EYS: variants seen among roughly 807,000 people sequenced by gnomAD.
EYS encodes protein eyes shut homolog.
In EYS, 250 loss-of-function variants were observed where a neutral mutation model predicts 282.1. That is an observed-to-expected ratio of 0.89 (90% confidence interval 0.80 to 0.98). The LOEUF (loss-of-function observed/expected upper bound fraction) is 0.98. Ranked by LOEUF, EYS falls within the 50% of genes least tolerant of loss-of-function variation. The pLI is 0.00. For synonymous variants in EYS, 1,355 were observed against 1,282.9 expected (o/e 1.06, Z -1.20); for missense variants, 4,016 against 3,709.0 (o/e 1.08, Z -2.15).
chr6:63,807,879 CAG>C (rs1770945790), intron 36 of EYS, among the ~76,000 whole-genome samples: 1 of 152,008 alleles, frequency 6.6e-6, no homozygotes, highest in Non-Finnish European at 1.5e-5. Context: ...GGAGTTGAAA[CAG>C]AATAAAAATA....
chr6:64,727,806 A>G (rs1249303036), intron 22 of EYS, among the ~76,000 whole-genome samples: 1 of 152,212 alleles, frequency 6.6e-6, no homozygotes, highest in African/African-American at 2.4e-5. Flanking sequence ...AGGTGATGAC[A>G]TAGATTTTGT....
intron 34 of EYS, among the ~76,000 whole-genome samples, chr6:63,989,965 C>A (rs1008792599): frequency 6.6e-6 from 1 of 151,286 alleles, no homozygotes; most frequent in Non-Finnish European, 1.5e-5. Flanking sequence ...ATATTTGATT[C>A]TTAAGGCTTT....
At chr6:65,501,045 A>G in intron 2 of EYS, among the ~76,000 whole-genome samples, 1 of 152,040 alleles carries the variant, frequency 6.6e-6, no homozygotes, top group East Asian at 1.9e-4. Context: ...TTTTAAAAAT[A>G]TTTTCCTTTT....
chr6:65,137,721 T>C (rs947125155), intron 12 of EYS, among the ~76,000 whole-genome samples: 2 of 152,082 alleles, frequency 1.3e-5, no homozygotes, highest in Non-Finnish European at 2.9e-5. Context: ...ATAGGATTAG[T>C]ACTGGAATGG....
At chr6:63,822,558 T>C (rs919738495) in intron 36 of EYS, 2 of 152,238 alleles carry the variant, frequency 1.3e-5, no homozygotes, top group Non-Finnish European at 2.9e-5. Context: ...ATTAACACCA[T>C]TGAACAAATT....
At chr6:65,129,187 T>C (rs1250421525) in intron 12 of EYS, among the ~76,000 whole-genome samples, 1 of 151,970 alleles carries the variant, frequency 6.6e-6, no homozygotes, top group African/African-American at 2.4e-5. Context: ...AAATAAAGAC[T>C]TAAATGTAAG....
At chr6:64,883,646 T>G (rs2150061432) in intron 19 of EYS, among the ~76,000 whole-genome samples, 1 of 151,632 alleles carries the variant, frequency 6.6e-6, no homozygotes, top group Admixed American at 6.6e-5. Context: ...TTTCCTATAT[T>G]TAAATCACTA....
intron 30 of EYS, among the ~76,000 whole-genome samples, chr6:64,253,922 G>A (rs977010526): frequency 6.6e-6 from 1 of 152,238 alleles, no homozygotes; most frequent in South Asian, 2.1e-4. Context: ...TTATGAAGTT[G>A]TGATCTGCTT....
At chr6:64,054,194 A>C (rs1232966031) in intron 33 of EYS, among the ~76,000 whole-genome samples, 1 of 152,156 alleles carries the variant, frequency 6.6e-6, no homozygotes, top group Non-Finnish European at 1.5e-5. Flanking sequence ...TGAGATAACA[A>C]AAAATCAATA....
intron 36 of EYS, among the ~76,000 whole-genome samples, chr6:63,843,417 G>A (rs1772015982): frequency 6.6e-6 from 1 of 152,126 alleles, no homozygotes; most frequent in Admixed American, 6.6e-5. Flanking sequence ...TATTATTGGT[G>A]TACAGGAATG....
intron 26 of EYS, among the ~76,000 whole-genome samples, chr6:64,560,961 A>G (rs77590363): frequency 0.03 from 4,616 of 152,208 alleles, 155 homozygotes; most frequent in East Asian, 0.11. Context: ...TGAAAACCAA[A>G]TCTAGCAGCA....
chr6:65,466,180 T>C (rs1764992606), intron 5 of EYS, among the ~76,000 whole-genome samples: 1 of 152,088 alleles, frequency 6.6e-6, no homozygotes, highest in Non-Finnish European at 1.5e-5. Context: ...TGATTTCAAA[T>C]ACCACCACTA....
intron 22 of EYS, among the ~76,000 whole-genome samples, chr6:64,713,544 A>G (rs1344993420): frequency 6.6e-6 from 1 of 152,324 alleles, no homozygotes; most frequent in African/African-American, 2.4e-5. Flanking sequence ...TACTCACCTA[A>G]TATAGACTCC....
intron 35 of EYS, among the ~76,000 whole-genome samples, chr6:63,894,854 T>C (rs1773497137): frequency 1.3e-5 from 2 of 152,162 alleles, no homozygotes; most frequent in Non-Finnish European, 2.9e-5. Flanking sequence ...CCCAAAGTGC[T>C]AGGATTACAG....
intron 30 of EYS, among the ~76,000 whole-genome samples, chr6:64,246,018 C>CAAAAAAAAAAAAAAAAAA (rs60121734): frequency 8.9e-5 from 5 of 56,200 alleles, no homozygotes; most frequent in African/African-American, 2.5e-4. Context: ...AACTCCGTCT[C>CAAAAAAAAAAAAAAAAAA]AAAAAAAAAA....
At chr6:64,892,324 A>G (rs1767316134) in intron 18 of EYS, among the ~76,000 whole-genome samples, 1 of 151,912 alleles carries the variant, frequency 6.6e-6, no homozygotes, top group East Asian at 1.9e-4. Flanking sequence ...TAGTATTACA[A>G]AATCCAAACA....
At chr6:63,783,212 A>T (rs1770280489) in intron 39 of EYS, among the ~76,000 whole-genome samples, 1 of 152,196 alleles carries the variant, frequency 6.6e-6, no homozygotes, top group African/African-American at 2.4e-5. Flanking sequence ...CCTCCATATC[A>T]ATGAGCAGTA....
At chr6:64,981,351 A>C (rs1770658454) in intron 14 of EYS, among the ~76,000 whole-genome samples, 1 of 151,274 alleles carries the variant, frequency 6.6e-6, no homozygotes, top group Admixed American at 6.6e-5. Context: ...TAGAGTAAAA[A>C]TCAAAGTTTG....
chr6:65,302,446 T>G, intron 11 of EYS: 2 of 633,522 alleles, frequency 3.2e-6, no homozygotes, highest in South Asian at 3.9e-5. Context: ...TCACGAGGAC[T>G]TGGAGCCTGG....
Sources: allele counts gnomAD v4.1 joint callset (sites outside exome capture counted in the v4.1 genomes callset), GRCh38; gene constraint gnomAD v4.1.1; transcripts MANE v1.5; gene names NCBI Gene and HGNC (gene_info 2026-07-23, HGNC 2026-07-21).